Variants in VWA2 observed in about 807,000 individuals in gnomAD.
VWA2 encodes the protein von Willebrand factor A domain containing 2.
VWA2 carries 73 observed loss-of-function variants against 70.4 expected under a neutral mutation model. The ratio of observed to expected loss-of-function variants is 1.04; its 90% CI spans 0.86 to 1.26. The LOEUF is 1.26. VWA2 is among the 50% of genes most tolerant of loss of function. The pLI is 0.00. For synonymous variants in VWA2, 407 were observed against 423.3 expected, an observed-to-expected ratio of 0.96 and a Z score of 0.47; for missense variants, 1,011 against 998.5, an observed-to-expected ratio of 1.01 and a Z score of -0.17.
At chr10:114,242,490 G>T (rs900075307) in intron 1 of VWA2, among the ~76,000 whole-genome samples, 9 of 151,916 alleles carry the variant, frequency 5.9e-5, no homozygotes, top group African/African-American at 1.9e-4. Flanking sequence ...TCTGCATACC[G>T]CAGTGCCCCT....
At chr10:114,282,017 C>CTTTTTTTTTTTGTTTTT (rs144974085) in intron 8 of VWA2, among the ~76,000 whole-genome samples, 1 of 119,662 alleles carries the variant, frequency 8.4e-6, no homozygotes, top group African/African-American at 3.2e-5. Context: ...CTTATGTTAC[C>CTTTTTTTTTTTGTTTTT]TTTTTTTTTT....
At chr10:114,273,101 C>G (rs1313452300) in intron 6 of VWA2, among the ~76,000 whole-genome samples, 167 bp downstream of exon 6, 1 of 152,174 alleles carries the variant, frequency 6.6e-6, no homozygotes, top group African/African-American at 2.4e-5. Flanking sequence ...AAGCTCCAAT[C>G]TTTTGGAGCC....
intron 2 of VWA2, among the ~76,000 whole-genome samples, chr10:114,251,074 A>C (rs2037185949): frequency 6.6e-6 from 1 of 152,260 alleles, no homozygotes; most frequent in African/African-American, 2.4e-5. Flanking sequence ...AAGAATGTAC[A>C]AAAGTTCTCT....
At chr10:114,247,105 C>T (rs2037088434) in intron 1 of VWA2, among the ~76,000 whole-genome samples, 2 of 152,058 alleles carry the variant, frequency 1.3e-5, no homozygotes, top group South Asian at 4.2e-4. Flanking sequence ...ATAACCTTCC[C>T]AGTACCTGAG....
At chr10:114,242,948 G>C (rs2037000397) in intron 1 of VWA2, among the ~76,000 whole-genome samples, 1 of 152,154 alleles carries the variant, frequency 6.6e-6, no homozygotes, top group Non-Finnish European at 1.5e-5. Context: ...TGGCAGATGA[G>C]GAACTAAGGC....
chr10:114,247,153 A>G (rs955402431), intron 1 of VWA2, among the ~76,000 whole-genome samples: 1 of 151,830 alleles, frequency 6.6e-6, no homozygotes, highest in African/African-American at 2.4e-5. Context: ...AGCCTAGTAA[A>G]GCTGTTGGAA....
intron 4 of VWA2, among the ~76,000 whole-genome samples, chr10:114,260,223 C>T (rs2037415840): frequency 6.6e-6 from 1 of 152,176 alleles, no homozygotes; most frequent in Admixed American, 6.5e-5. Flanking sequence ...CTTCTCTGCT[C>T]AAGACACGCT....
chr10:114,289,406 G>A lies in VWA2; in HGVS notation c.2039G>A (p.Gly680Asp), dbSNP rs778570441. 6.2e-7 allele frequency: 1 copy of A among 1,614,094 alleles called. No individual in the cohort carries two copies. The change falls in exon 12 of 14, where the codon GGT becomes GAT. Residue 680 changes from glycine to aspartate, a missense_variant. Gly to Asp is a moderately conservative substitution (Grantham distance 94). Coordinates refer to ENST00000392982, the MANE Select transcript of VWA2 (RefSeq NM_001272046.2). ...AGTGAGGGTCTGCGGAGGCTTGCAG[G>A]TCCCCGGGATTCCCTGATCCACGTG... ...VLSEGLRRLA[G>D]PRDSLIHVAA...
chr10:114,288,980 C>T lies in VWA2; in HGVS notation c.1613C>T (p.Thr538Ile), dbSNP rs756143333. ...CTGGACCTCGTCTTCATGTTGGACA[C>T]CTCTGCCTCAGTAGGGCCCGAGAAT... Reference protein sequence around the residue: ...QALDLVFMLDTSASVGPENFA... With the variant: ...QALDLVFMLDISASVGPENFA... The change falls in exon 12 of 14, where the codon ACC becomes ATC. Residue 538 changes from threonine to isoleucine, a missense_variant. Physicochemically the swap from Thr to Ile is moderately conservative, Grantham distance 89. Coordinates refer to ENST00000392982, the MANE Select transcript of VWA2 (RefSeq NM_001272046.2). 3 of 1,613,890 alleles carry T rather than the reference C, an allele frequency of 1.9e-6. No homozygotes were observed. The highest frequency in any genetic ancestry group is 2.5e-6 in the Non-Finnish European group (3 of 1,179,886).
rs1489206397 is a variant in VWA2 at position 114,276,530 on chromosome 10, G to A, written c.567-1384G>A. Among the ~76,000 whole-genome samples, 7 of 152,144 alleles carry A rather than the reference G, an allele frequency of 4.6e-5. No homozygotes were observed. The East Asian group carries it at 5.8e-4, about 13-fold the overall frequency. The stretch of plus-strand genomic sequence containing the variant: ...TTTTATTTTTTTGAGACAGGGTCCC[G>A]CTCTGTCACCCAGGCTGGAATGCAG... On this transcript the variant is annotated intron_variant, in intron 6 of 13. Coordinates refer to ENST00000392982, the MANE Select transcript of VWA2 (RefSeq NM_001272046.2).
intron 5 of VWA2, among the ~76,000 whole-genome samples, chr10:114,270,598 A>G (rs2037686006): frequency 6.6e-6 from 1 of 152,174 alleles, no homozygotes; most frequent in Non-Finnish European, 1.5e-5. Context: ...CGCTAATATT[A>G]TCCTTTAGAA....
intron 1 of VWA2, among the ~76,000 whole-genome samples, chr10:114,243,061 G>T (rs1452453744): frequency 2.0e-5 from 3 of 152,132 alleles, no homozygotes; most frequent in Non-Finnish European, 4.4e-5. Context: ...CACACCTCAG[G>T]GCTAATCCCA....
At chr10:114,249,969 C>T (rs1449991243) in intron 2 of VWA2, among the ~76,000 whole-genome samples, 1 of 152,098 alleles carries the variant, frequency 6.6e-6, no homozygotes, top group African/African-American at 2.4e-5. Flanking sequence ...TCCCCGCCAC[C>T]AAAAACATTC....
intron 2 of VWA2, among the ~76,000 whole-genome samples, chr10:114,249,498 T>C (rs2037149175): frequency 3.3e-5 from 5 of 152,142 alleles, no homozygotes; most frequent in Admixed American, 3.3e-4. Context: ...TCAGGTGATC[T>C]GACCGTCTTG....
intron 11 of VWA2, among the ~76,000 whole-genome samples, chr10:114,288,475 C>A (rs116065877): frequency 6.6e-6 from 1 of 152,224 alleles, no homozygotes; most frequent in Non-Finnish European, 1.5e-5. Context: ...GCCCACAAAC[C>A]CAAACCCCAT....
chr10:114,291,567 AC>A lies in VWA2; in HGVS notation c.*331del. ...TCTGCCACCTTTCCCTTGAGGATAA[AC>A]AAGGGGTCCTGAAGACTTAAATTTA... On this transcript the variant is annotated 3_prime_UTR_variant, in exon 14 of 14. Transcript: ENST00000392982. 3.2e-6 allele frequency: 1 copy of A among 313,056 alleles called. No homozygotes were observed. The highest frequency in any genetic ancestry group is 5.9e-6 in the Non-Finnish European group (1 of 169,174). 19.4% of individuals were successfully genotyped at this position (313,056 alleles called of 1,614,324 possible).
At chr10:114,267,648 G>A (rs1010542199) in intron 5 of VWA2, among the ~76,000 whole-genome samples, 3 of 149,754 alleles carry the variant, frequency 2.0e-5, no homozygotes, top group African/African-American at 5.0e-5. Flanking sequence ...CGCCATGTTA[G>A]CCAGGCTGGT....
intron 11 of VWA2, among the ~76,000 whole-genome samples, chr10:114,288,660 G>A (rs534278370): frequency 6.6e-6 from 1 of 152,354 alleles, no homozygotes; most frequent in South Asian, 2.1e-4. Context: ...AGCTGCATGA[G>A]TTTGAAATTG....
chr10:114,291,178 T>C (rs2039560034), intron 13 of VWA2, 40 bp from the exon 14 acceptor site: 1 of 1,550,244 alleles, frequency 6.5e-7, no homozygotes, highest in East Asian at 2.4e-5. Context: ...GAGAAGGGGA[T>C]GCAGACACTC....
Sources: gnomAD v4.1 joint callset for allele counts (sites outside exome capture counted in the v4.1 genomes callset) on GRCh38, gnomAD v4.1.1 for gene constraint, MANE v1.5 for transcripts, NCBI Gene and HGNC (gene_info 2026-07-23, HGNC 2026-07-21) for gene names.